TIFA: variants seen among roughly 807,000 people sequenced by gnomAD.
The protein encoded by TIFA is TRAF interacting protein with forkhead associated domain, also known as TRAF-interacting protein with FHA domain-containing protein A.
For missense variants in TIFA, 186 were observed against 215.2 expected, an observed-to-expected ratio of 0.86 and a Z score of 0.85; for synonymous variants, 75 against 79.2, an observed-to-expected ratio of 0.95 and a Z score of 0.28.
At chr4:112,285,115 G>C (rs967534244) in intron 1 of TIFA, among the ~76,000 whole-genome samples, 1 of 151,998 alleles carries the variant, frequency 6.6e-6, no homozygotes. Context: ...TGAAATCTGG[G>C]GAAAGTCCCA....
Position 112,275,187 on chromosome 4 carries a change from C to G in TIFA, c.*2675G>C, listed in dbSNP as rs1369719946. ...TATAATGTGACTGCGTTACCTGAGA[C>G]AAGTTGATTGGTGAAGGGGTGGGCA... On this transcript the variant is annotated 3_prime_UTR_variant, in exon 2 of 2. Coordinates refer to ENST00000361717, the MANE Select transcript of TIFA (RefSeq NM_052864.3). 1.3e-5 allele frequency: 2 copies of G among 151,830 alleles called. No individual in the cohort carries two copies. The highest frequency in any genetic ancestry group is 2.9e-5 in the Non-Finnish European group (2 of 68,028). The allele number at this position is 151,830 out of a possible 1,614,324, so 9.4% of individuals were successfully genotyped here. A position where few individuals can be genotyped will look rare whatever the true frequency, so the allele number is the denominator to read the frequency against.
In TIFA at chr4:112,278,007, A is replaced by G; in HGVS notation, c.410T>C (p.Phe137Ser). 6.2e-7 allele frequency: 1 copy of G among 1,614,104 alleles called. No individual in the cohort carries two copies. The highest frequency in any genetic ancestry group is 1.1e-5 in the South Asian group (1 of 91,090). Residue 137 changes from phenylalanine (F) to serine (S), a missense_variant, in exon 2 of 2, where the codon TTT (phenylalanine) becomes TCT (serine). Transcript: ENST00000361717. ...EKEDGESLEF[F>S]ETQFILSPRS... is the part of the protein sequence containing the mutation. ...TGGAGATAAAATAAATTGAGTCTCA[A>G]AAAATTCCAATGACTCGCCATCTTC... is the stretch of plus-strand genomic sequence containing the variant.
rs137955336 is a variant in TIFA at position 112,284,191 on chromosome 4, A to G, written c.-19+1449T>C. Among the ~76,000 whole-genome samples the G allele has an allele frequency of 4.6e-5, 7 of 152,156 alleles. No homozygotes were observed. The East Asian group carries it at 1.4e-3, about 29-fold the overall frequency. ...GGAAGAGAAGAGTTAGATCGAGGGC[A>G]AGGCTTCTGACTCCTCTCTGGGGAA... On this transcript the variant is annotated intron_variant, in intron 1 of 1. Coordinates refer to ENST00000361717, the MANE Select transcript of TIFA (RefSeq NM_052864.3).
chr4:112,277,954 G>A lies in TIFA; in HGVS notation c.463C>T (p.Pro155Ser). 6.2e-7 allele frequency: 1 copy of A among 1,614,002 alleles called. No homozygotes were observed. The highest frequency in any genetic ancestry group is 8.5e-7 in the Non-Finnish European group (1 of 1,179,982). Residue 155 changes from proline to serine, a missense_variant, in exon 2 of 2, where the codon CCA becomes TCA. Pro to Ser is a moderately conservative substitution (Grantham distance 74). Coordinates refer to ENST00000361717, the MANE Select transcript of TIFA (RefSeq NM_052864.3). ...PRSLLQENNW[P>S]PHRPIPEYGT... Reference sequence around the variant, plus strand: ...TACTCCGGTATGGGCCTGTGTGGTGGCCAGTTGTTTTCTTGCAAGAGTGAT... The same window carrying A: ...TACTCCGGTATGGGCCTGTGTGGTGACCAGTTGTTTTCTTGCAAGAGTGAT...
In TIFA at chr4:112,274,588, C is replaced by T. The variant is rs575261166; in HGVS notation, c.*3274G>A. ...TAAACAAGTGTTAGAGAATTGGAAA[C>T]ATAAAAAGAGCCAGGAGGTAACATA... On this transcript the variant is annotated 3_prime_UTR_variant, in exon 2 of 2. Transcript: ENST00000361717. The T allele has an allele frequency of 2.5e-4, 38 of 152,166 alleles. No individual in the cohort carries two copies. The highest frequency in any genetic ancestry group is 8.4e-4 in the African/African-American group (35 of 41,524). 9.4% of individuals were successfully genotyped at this position (152,166 alleles called of 1,614,324 possible).
rs190573450 is a variant in TIFA at position 112,278,235 on chromosome 4, T to C, written c.182A>G (p.Gln61Arg). ...CTGAACTCGGGAAACCTGTTTGTCC[T>C]GAAAAGTATAATGACAGATGTTGGA... ...RNSNICHYTF[Q>R]DKQVSRVQFS... Residue 61 changes from glutamine (Q) to arginine (R), a missense_variant, in exon 2 of 2, where the codon CAG becomes CGG. Physicochemically the swap from Gln to Arg is conservative, Grantham distance 43. Transcript: ENST00000361717. 82 of 1,613,932 alleles carry C rather than the reference T, an allele frequency of 5.1e-5. No individual in the cohort carries two copies. In the East Asian group the frequency reaches 9.8e-4, roughly 19 times the overall value.
Position 112,276,678 on chromosome 4 carries a change from C to CT in TIFA, c.*1183dup, listed in dbSNP as rs1359730573. On this transcript the variant is annotated 3_prime_UTR_variant, in exon 2 of 2. Transcript: ENST00000361717. Reference sequence around the variant, plus strand: ...TCACATACTACTGCCCAGGAATAGACTGACAGTCTGAATCAAGATGAGGTT... The same window carrying CT: ...TCACATACTACTGCCCAGGAATAGACTTGACAGTCTGAATCAAGATGAGGTT... 1.3e-5 allele frequency: 2 copies of CT among 152,194 alleles called. No individual in the cohort carries two copies. The highest frequency in any genetic ancestry group is 2.9e-5 in the Non-Finnish European group (2 of 68,038). 9.4% of individuals were successfully genotyped at this position (152,194 alleles called of 1,614,324 possible).
At chr4:112,282,895 G>A (rs1413649977) in intron 1 of TIFA, among the ~76,000 whole-genome samples, 2 of 152,132 alleles carry the variant, frequency 1.3e-5, no homozygotes, top group African/African-American at 4.8e-5. Context: ...AAGGCAGGAC[G>A]TTTTGTGCCC....
At position 112,275,316 on chromosome 4, in the gene TIFA, C is replaced by G. The variant is rs1318930354; in HGVS notation, c.*2546G>C. 3 of 152,134 alleles carry G rather than the reference C, an allele frequency of 2.0e-5. No homozygotes were observed. The highest frequency in any genetic ancestry group is 4.4e-5 in the Non-Finnish European group (3 of 68,048). 9.4% of individuals were successfully genotyped at this position (152,134 alleles called of 1,614,324 possible). The stretch of plus-strand genomic sequence containing the variant: ...TGGGAGCTACAGGTGGCCATGGAGC[C>G]AATATGCATTGAGGGTCAGAGCCAG... On this transcript the variant is annotated 3_prime_UTR_variant, in exon 2 of 2. Coordinates refer to ENST00000361717, the MANE Select transcript of TIFA (RefSeq NM_052864.3).
In TIFA at chr4:112,275,960, G is replaced by A. The variant is rs182118990; in HGVS notation, c.*1902C>T. 13 of 152,280 alleles carry A rather than the reference G, an allele frequency of 8.5e-5. No homozygotes were observed. Among genetic ancestry groups the A allele is most frequent in the Admixed American group, 5.2e-4 (8 of 15,294 alleles). 9.4% of individuals were successfully genotyped at this position (152,280 alleles called of 1,614,324 possible). A position where few individuals can be genotyped will look rare whatever the true frequency, so the allele number is the denominator to read the frequency against. On this transcript the variant is annotated 3_prime_UTR_variant, in exon 2 of 2. Coordinates refer to ENST00000361717, the MANE Select transcript of TIFA (RefSeq NM_052864.3). ...GCAATTCAAGCCGGGTGATCTGGCTGTAAACCCACATCAGACCAGAAGCTA... is the reference window on the plus strand; with the variant it reads ...GCAATTCAAGCCGGGTGATCTGGCTATAAACCCACATCAGACCAGAAGCTA...
At chr4:112,283,468 T>C (rs1727262231) in intron 1 of TIFA, among the ~76,000 whole-genome samples, 1 of 152,172 alleles carries the variant, frequency 6.6e-6, no homozygotes. Flanking sequence ...TCAAGGAACT[T>C]AGAAATGAAT....
chr4:112,284,136 T>A (rs532772370), intron 1 of TIFA, among the ~76,000 whole-genome samples: 2 of 152,296 alleles, frequency 1.3e-5, no homozygotes, highest in East Asian at 1.9e-4. Flanking sequence ...CATCAGGATG[T>A]ATACACTTAA....
At chr4:112,280,602 C>G (rs528479992) in intron 1 of TIFA, among the ~76,000 whole-genome samples, 1 of 151,994 alleles carries the variant, frequency 6.6e-6, no homozygotes, top group African/African-American at 2.4e-5. Context: ...CACCCACCCT[C>G]GGTCTCTCAA....
chr4:112,278,185 A>T lies in TIFA; in HGVS notation c.232T>A (p.Phe78Ile). Residue 78 changes from phenylalanine (F) to isoleucine (I), a missense_variant, in exon 2 of 2, where the codon TTC becomes ATC. Phe to Ile is a conservative substitution (Grantham distance 21). Coordinates refer to ENST00000361717, the MANE Select transcript of TIFA (RefSeq NM_052864.3). ...TCAAAGGAGAGAACTGAGCTGTTGA[A>T]TTTTTTAAACAGCTGCAGAGAAAAC... ...VQFSLQLFKK[F>I]NSSVLSFEIK... 1 of 1,613,426 alleles carries T rather than the reference A, an allele frequency of 6.2e-7. No homozygotes were observed. Among genetic ancestry groups the T allele is most frequent in the Non-Finnish European group, 8.5e-7 (1 of 1,179,830 alleles).
Position 112,274,968 on chromosome 4 carries a change from C to T in TIFA, c.*2894G>A, listed in dbSNP as rs1366579244. The T allele has an allele frequency of 3.3e-5, 5 of 152,130 alleles. No individual in the cohort carries two copies. The highest frequency in any genetic ancestry group is 5.9e-5 in the Non-Finnish European group (4 of 68,026). The allele number at this position is 152,130 out of a possible 1,614,324, so 9.4% of individuals were successfully genotyped here. Reference sequence around the variant, plus strand: ...CTGGCACCATTAATACACCTCTCTACCTAAGGAGCCCCAGAAAAATCACTT... The same window carrying T: ...CTGGCACCATTAATACACCTCTCTATCTAAGGAGCCCCAGAAAAATCACTT... On this transcript the variant is annotated 3_prime_UTR_variant, in exon 2 of 2. Transcript: ENST00000361717.
intron 1 of TIFA, among the ~76,000 whole-genome samples, chr4:112,280,076 G>A (rs777298614): frequency 3.9e-5 from 6 of 152,094 alleles, no homozygotes; most frequent in African/African-American, 9.7e-5. Flanking sequence ...GTAGCACGGC[G>A]AGAAGTTACA....
At chr4:112,281,814 A>T (rs1221166439) in intron 1 of TIFA, 3 of 152,234 alleles carry the variant, frequency 2.0e-5, no homozygotes. Context: ...TACATAAAGG[A>T]CAGTTAATAT....
At chr4:112,284,080 A>G (rs1283157698) in intron 1 of TIFA, among the ~76,000 whole-genome samples, 1 of 152,202 alleles carries the variant, frequency 6.6e-6, no homozygotes, top group Non-Finnish European at 1.5e-5. Flanking sequence ...CTGAATACAG[A>G]AGGCATAGAT....
In TIFA at chr4:112,277,893, G is replaced by A. The variant is rs1727149335; in HGVS notation, c.524C>T (p.Ser175Phe). The change falls in exon 2 of 2, where the codon TCT becomes TTT. Residue 175 changes from serine (S) to phenylalanine (F), a missense_variant. Physicochemically the swap from Ser to Phe is radical, Grantham distance 155 (BLOSUM62 -2). Transcript: ENST00000361717. ...CTCATTTTCATCCATTTCTGTCGGA[G>A]AACTGCTTTGGGAGGAGCAGAGCGA... ...TYSLCSSQSS[S>F]PTEMDENES is the part of the protein sequence containing the mutation. 1.3e-6 allele frequency: 2 copies of A among 1,599,642 alleles called. No homozygotes were observed. Among genetic ancestry groups the A allele is most frequent in the Non-Finnish European group, 1.7e-6 (2 of 1,175,552 alleles).
Sources: allele counts gnomAD v4.1 joint callset (sites outside exome capture counted in the v4.1 genomes callset), GRCh38; gene constraint gnomAD v4.1.1; transcripts MANE v1.5; gene names NCBI Gene and HGNC (gene_info 2026-07-23, HGNC 2026-07-21).